Variants in MBD5 observed in about 807,000 individuals in gnomAD.
MBD5 encodes the protein methyl-CpG-binding domain protein 5.
In MBD5, 13 loss-of-function variants were observed where a neutral mutation model predicts 117.3. That is an observed-to-expected ratio of 0.11 (90% CI 0.07 to 0.18). MBD5 has a LOEUF of 0.18. MBD5 is among the 10% of genes least tolerant of loss of function. MBD5 has a pLI of 1.00. For missense variants in MBD5, 1,879 were observed against 2,093.8 expected (o/e 0.90, Z 2.00); for synonymous variants, 727 against 766.4 (o/e 0.95, Z 0.85).
chr2:148,076,172 C>T (rs1164040770), intron 1 of MBD5, among the ~76,000 whole-genome samples: 1 of 110,332 alleles, frequency 9.1e-6, no homozygotes, highest in Non-Finnish European at 1.9e-5. Context: ...AACTCAAAGT[C>T]GTCGTTTTTT....
At chr2:148,228,541 A>G (rs1699898003) in intron 2 of MBD5, among the ~76,000 whole-genome samples, 1 of 152,202 alleles carries the variant, frequency 6.6e-6, no homozygotes, top group Non-Finnish European at 1.5e-5. Context: ...TTTTGCATCA[A>G]TGTTCATCAA....
chr2:148,058,494 T>C (rs1361462353), intron 1 of MBD5, among the ~76,000 whole-genome samples: 1 of 152,068 alleles, frequency 6.6e-6, no homozygotes, highest in Non-Finnish European at 1.5e-5. Flanking sequence ...GTGAATTTTT[T>C]TTTGGCTTTC....
intron 1 of MBD5, among the ~76,000 whole-genome samples, chr2:148,034,619 A>G (rs1387945723): frequency 6.6e-6 from 1 of 152,186 alleles, no homozygotes; most frequent in East Asian, 1.9e-4. Flanking sequence ...ATCTTATTTT[A>G]TCATTATAAC....
rs776251206 is a variant in MBD5 at position 148,485,870 on chromosome 2, C to A, written c.3673C>A (p.Leu1225Ile). The change falls in exon 10 of 14, where the codon CTC becomes ATC. Residue 1225 changes from leucine (L) to isoleucine (I), a missense_variant. By Grantham distance (5) the Leu-to-Ile change is conservative. Coordinates refer to ENST00000642680, the MANE Select transcript of MBD5 (RefSeq NM_001378120.1). ...QQQLLQGYQN[L>I]QAFQGQSTIP... ...GCAACTTCTCCAGGGGTACCAGAAT[C>A]TCCAGGCGTTCCAAGGACAGTCCAC... is the stretch of plus-strand genomic sequence containing the variant. 21 of 1,614,018 alleles carry A rather than the reference C, an allele frequency of 1.3e-5. No individual in the cohort carries two copies. Among genetic ancestry groups the A allele is most frequent in the Non-Finnish European group, 1.7e-5 (20 of 1,179,994 alleles).
intron 2 of MBD5, among the ~76,000 whole-genome samples, chr2:148,199,954 G>A (rs1424624005): frequency 1.3e-5 from 2 of 152,116 alleles, no homozygotes; most frequent in African/African-American, 4.8e-5. Context: ...TGAATGTTAA[G>A]TCTTCCAAAA....
intron 1 of MBD5, among the ~76,000 whole-genome samples, chr2:148,095,654 T>TTGCTC (rs1389452993): frequency 6.6e-6 from 1 of 152,140 alleles, no homozygotes. Flanking sequence ...TGCACATTTA[T>TTGCTC]ATAGATTACT....
chr2:148,068,805 CTG>C (rs1443742539), intron 1 of MBD5, among the ~76,000 whole-genome samples: 1 of 152,092 alleles, frequency 6.6e-6, no homozygotes, highest in African/African-American at 2.4e-5. Flanking sequence ...TTATTGTTCT[CTG>C]TATCATGTTG....
chr2:148,088,319 C>T (rs1335026571), intron 1 of MBD5, among the ~76,000 whole-genome samples: 1 of 152,116 alleles, frequency 6.6e-6, no homozygotes, highest in Non-Finnish European at 1.5e-5. Context: ...TCCCTGGCCT[C>T]ACTAGAGATC....
intron 3 of MBD5, among the ~76,000 whole-genome samples, chr2:148,329,324 T>C (rs1195044408): frequency 6.6e-6 from 1 of 152,222 alleles, no homozygotes; most frequent in Non-Finnish European, 1.5e-5. Flanking sequence ...AGATAGATAA[T>C]TTTAAGAAAA....
chr2:148,371,896 C>T (rs1703863443), intron 4 of MBD5, among the ~76,000 whole-genome samples: 1 of 152,058 alleles, frequency 6.6e-6, no homozygotes, highest in African/African-American at 2.4e-5. Context: ...TGATTGAATA[C>T]ACTATTGAAA....
chr2:148,080,739 A>G (rs1287334805), intron 1 of MBD5, among the ~76,000 whole-genome samples: 1 of 152,182 alleles, frequency 6.6e-6, no homozygotes, highest in Non-Finnish European at 1.5e-5. Flanking sequence ...CATACAACCT[A>G]GGTCAAAGGT....
At chr2:148,350,350 A>T (rs1703221160) in intron 4 of MBD5, among the ~76,000 whole-genome samples, 2 of 152,038 alleles carry the variant, frequency 1.3e-5, no homozygotes, top group South Asian at 4.1e-4. Flanking sequence ...ACCTACAGCA[A>T]CAGTCAATGT....
intron 4 of MBD5, among the ~76,000 whole-genome samples, chr2:148,404,961 A>G (rs1705032691): frequency 6.6e-6 from 1 of 152,042 alleles, no homozygotes; most frequent in Admixed American, 6.6e-5. Flanking sequence ...TTTCCATACT[A>G]TTCTTGTTGT....
chr2:148,200,241 G>T (rs1699102075), intron 2 of MBD5, among the ~76,000 whole-genome samples: 1 of 148,796 alleles, frequency 6.7e-6, no homozygotes, highest in Non-Finnish European at 1.5e-5. Flanking sequence ...CATATTTATT[G>T]TCTGCCCACA....
intron 1 of MBD5, among the ~76,000 whole-genome samples, chr2:148,177,968 C>A (rs1698429211): frequency 6.6e-6 from 1 of 152,166 alleles, no homozygotes; most frequent in Admixed American, 6.5e-5. Context: ...CCAGCCTGAG[C>A]AACACAGGGA....
At chr2:148,049,753 GTCTACTT>G in intron 1 of MBD5, among the ~76,000 whole-genome samples, 1 of 152,162 alleles carries the variant, frequency 6.6e-6, no homozygotes, top group South Asian at 2.1e-4. Flanking sequence ...GCAACTTCTA[GTCTACTT>G]TCTAACTATA....
chr2:148,158,554 G>A (rs942127252), intron 1 of MBD5, among the ~76,000 whole-genome samples: 2 of 152,182 alleles, frequency 1.3e-5, no homozygotes, highest in African/African-American at 4.8e-5. Flanking sequence ...ACCAACTTGG[G>A]AGGTTATACT....
At chr2:148,435,560 A>T (rs147365452) in intron 4 of MBD5, among the ~76,000 whole-genome samples, 242 of 152,264 alleles carry the variant, frequency 1.6e-3, no homozygotes, top group Non-Finnish European at 2.8e-3. Context: ...AGAATGCTGA[A>T]TATAGGGCCC....
chr2:148,179,568 T>C (rs1325982445), intron 2 of MBD5, among the ~76,000 whole-genome samples: 1 of 152,184 alleles, frequency 6.6e-6, no homozygotes, highest in African/African-American at 2.4e-5. Context: ...AACCCCTGAA[T>C]ACAAACCTCT....
Sources: allele counts gnomAD v4.1 joint callset (sites outside exome capture counted in the v4.1 genomes callset), GRCh38; gene constraint gnomAD v4.1.1; transcripts MANE v1.5; gene names NCBI Gene and HGNC (gene_info 2026-07-23, HGNC 2026-07-21).